NBPF26: variants seen among roughly 807,000 people sequenced by gnomAD.
NBPF26 encodes the protein NBPF member 26.
A neutral mutation model predicts 119.6 loss-of-function variants in NBPF26; 79 were observed. That is an observed-to-expected ratio of 0.66 (90% CI 0.55 to 0.80). The LOEUF is 0.80. NBPF26 is among the 30% of genes least tolerant of loss of function. The probability of loss-of-function intolerance (pLI) is 0.00; values close to 1 mark genes in which losing one functional copy is unlikely to be tolerated. For synonymous variants in NBPF26, 299 were observed against 457.7 expected (o/e 0.65, Z 4.43); for missense variants, 800 against 1,198.2 (o/e 0.67, Z 4.91).
At chr1:120,814,692 G>C (rs1651966056) in intron 11 of NBPF26, 137 bp from the exon 12 acceptor site, 1 of 638,520 alleles carries the variant, frequency 1.6e-6, no homozygotes, top group East Asian at 2.6e-5. Flanking sequence ...CTTGGCCACA[G>C]ACATTCCTTT....
chr1:120,820,471 T>C (rs1261004501), intron 15 of NBPF26, among the ~76,000 whole-genome samples: 36 of 30,814 alleles, frequency 1.2e-3, no homozygotes, highest in Admixed American at 1.5e-3. Flanking sequence ...TATATATATA[T>C]ATATATATAT....
Position 120,819,026 on chromosome 1 carries a change from G to T in NBPF26, c.2423+852G>T, listed in dbSNP as rs1335481377. Among the ~76,000 whole-genome samples the T allele has an allele frequency of 4.3e-5, 5 of 117,636 alleles. 2 individuals carry two copies. Among genetic ancestry groups the T allele is most frequent in the Admixed American group, 1.7e-4 (2 of 12,046 alleles). 77.2% of individuals were successfully genotyped at this position (117,636 alleles called of 152,430 possible). ...GGTGGAGAGCTGAGTTCAAGTCCTG[G>T]ATATCCTTGTTAAGCTTCTGTCTCA... On this transcript the variant is annotated intron_variant, in intron 15 of 29. Transcript: ENST00000620612.
intron 16 of NBPF26, among the ~76,000 whole-genome samples, chr1:120,822,959 G>A (rs1557991781): frequency 7.9e-6 from 1 of 125,972 alleles, no homozygotes; most frequent in Non-Finnish European, 1.6e-5. Context: ...CAAATTCTGG[G>A]TATTTAATGA....
chr1:120,841,878 A>C (rs1312827781), downstream of NBPF26, among the ~76,000 whole-genome samples: 1 of 20,938 alleles, frequency 4.8e-5, no homozygotes, highest in Non-Finnish European at 7.7e-5. Flanking sequence ...GAGTATAAAT[A>C]TCCTGTATTC....
rs1229627763 is a variant in NBPF26, at chr1:120,802,403, T to A, written c.752-3153T>A. 4.8e-5 allele frequency among the ~76,000 whole-genome samples: 6 copies of A among 126,158 alleles called. 1 individual carries two copies. The highest frequency in any genetic ancestry group is 2.2e-4 in the African/African-American group (6 of 26,860). 82.8% of individuals were successfully genotyped at this position (126,158 alleles called of 152,430 possible). A position where few individuals can be genotyped will look rare whatever the true frequency, so the allele number is the denominator to read the frequency against. On this transcript the variant is annotated intron_variant, in intron 4 of 29. Coordinates refer to ENST00000620612, the Ensembl canonical transcript of NBPF26. ...GGACAAGAAGATTTTCAAGGCAGTCTCTAAAGCAGAGGAGAAACTGTTGAG... is the reference window on the plus strand; with the variant it reads ...GGACAAGAAGATTTTCAAGGCAGTCACTAAAGCAGAGGAGAAACTGTTGAG...
At chr1:120,830,197 CCTCT>C (rs1327491560) in intron 19 of NBPF26, among the ~76,000 whole-genome samples, 16 of 117,446 alleles carry the variant, frequency 1.4e-4, no homozygotes, top group African/African-American at 7.1e-4. Flanking sequence ...CTCACTTTCT[CCTCT>C]CTCTCTCTCT....
chr1:120,745,146 A>T (rs1650966861), intron 1 of NBPF26, among the ~76,000 whole-genome samples: 2 of 101,526 alleles, frequency 2.0e-5, no homozygotes. Flanking sequence ...AAAAAAAAAC[A>T]AAAAAAAGTG....
rs1487668418 is a variant in NBPF26, at chr1:120,728,621, C to A, written c.73+4371C>A. 1.7e-5 allele frequency among the ~76,000 whole-genome samples: 2 copies of A among 117,096 alleles called. 1 individual carries two copies. Among genetic ancestry groups the A allele is most frequent in the Non-Finnish European group, 3.3e-5 (2 of 61,102 alleles). 76.8% of individuals were successfully genotyped at this position (117,096 alleles called of 152,430 possible). ...AGGCCAGCAATTTCTGTTATTTTGT[C>A]CAGAATAGCCACACCTTACTGTAAT... On this transcript the variant is annotated intron_variant, in intron 1 of 29. Coordinates refer to ENST00000620612, the Ensembl canonical transcript of NBPF26.
Position 120,779,475 on chromosome 1 carries a change from A to T in NBPF26, c.156-5499A>T, listed in dbSNP as rs1471559270. 2.6e-5 allele frequency among the ~76,000 whole-genome samples: 3 copies of T among 117,582 alleles called. 1 individual carries two copies. Among genetic ancestry groups the T allele is most frequent in the African/African-American group, 1.2e-4 (3 of 24,476 alleles). 77.1% of individuals were successfully genotyped at this position (117,582 alleles called of 152,430 possible). A position where few individuals can be genotyped will look rare whatever the true frequency, so the allele number is the denominator to read the frequency against. ...GTTCTTTCAGAGTTCAATGCTAGAGAAGAGAGAGTAAGTAAAAGTCACTGA... is the reference window on the plus strand; with the variant it reads ...GTTCTTTCAGAGTTCAATGCTAGAGTAGAGAGAGTAAGTAAAAGTCACTGA... On this transcript the variant is annotated intron_variant, in intron 2 of 29. Coordinates refer to ENST00000620612, the Ensembl canonical transcript of NBPF26.
At chr1:120,768,625 C>T (rs1181342507) in intron 2 of NBPF26, among the ~76,000 whole-genome samples, 1 of 109,446 alleles carries the variant, frequency 9.1e-6, no homozygotes, top group South Asian at 2.7e-4. Context: ...AAAAACAAAA[C>T]TGTAAATGTG....
At position 120,763,757 on chromosome 1, in the gene NBPF26, C is replaced by T. The variant is rs1651158489; in HGVS notation, c.155+48C>T. The T allele has an allele frequency of 3.6e-5, 26 of 719,914 alleles. 5 individuals carry two copies. Among genetic ancestry groups the T allele is most frequent in the South Asian group, 1.5e-5 (1 of 67,766 alleles). 44.6% of individuals were successfully genotyped at this position (719,914 alleles called of 1,614,324 possible). A position where few individuals can be genotyped will look rare whatever the true frequency, so the allele number is the denominator to read the frequency against. ...TTTCTTTTTGCGATAGAACACTGGA[C>T]AAGATTTGATTCTACTCCTCTATTT... On this transcript the variant is annotated intron_variant, in intron 2 of 29. Transcript: ENST00000620612.
chr1:120,737,804 GT>G (rs1650921997), intron 1 of NBPF26, among the ~76,000 whole-genome samples: 1 of 119,790 alleles, frequency 8.3e-6, no homozygotes, highest in South Asian at 2.5e-4. Flanking sequence ...TTTAACATTT[GT>G]TTCCCTTGAC....
intron 3 of NBPF26, among the ~76,000 whole-genome samples, chr1:120,790,144 T>A (rs1651468070): frequency 3.1e-5 from 3 of 97,872 alleles, no homozygotes; most frequent in Non-Finnish European, 5.6e-5. Context: ...GCCTCCTGAG[T>A]AGCTGGGACT....
rs1651523654 is a variant in NBPF26 at position 120,793,816 on chromosome 1, G to A, written c.751+320G>A. ...GCAAGTCTGGAATGGAAAAGAACACGATGAGAATTAGACACTGGAAAATAT... is the reference window on the plus strand; with the variant it reads ...GCAAGTCTGGAATGGAAAAGAACACAATGAGAATTAGACACTGGAAAATAT... On this transcript the variant is annotated intron_variant, in intron 4 of 29. Transcript: ENST00000620612. 4.2e-6 allele frequency: 4 copies of A among 946,524 alleles called. 1 individual carries two copies. The highest frequency in any genetic ancestry group is 2.1e-4 in the Middle Eastern group (1 of 4,766). 58.6% of individuals were successfully genotyped at this position (946,524 alleles called of 1,614,324 possible). A position where few individuals can be genotyped will look rare whatever the true frequency, so the allele number is the denominator to read the frequency against.
chr1:120,813,027 G>A (rs1289823291), intron 10 of NBPF26, among the ~76,000 whole-genome samples: 1 of 119,240 alleles, frequency 8.4e-6, no homozygotes, highest in Non-Finnish European at 1.6e-5. Context: ...GGGGCACAGA[G>A]TCTTGTTGCT....
chr1:120,793,265 T>G lies in NBPF26; in HGVS notation c.520T>G (p.Phe174Val), dbSNP rs1432156790. ...GTTCTCCTGCAAATGCCTCACAGGC[T>G]TCACAGGGCAGAAGTGTGAGACTGA... Residue 174 changes from phenylalanine to valine, a missense_variant, in exon 4 of 30, where the codon TTC (phenylalanine) becomes GTC (valine). This residue lies in a region of NBPF26 where 209 missense variants were observed against 285.2 expected (regional missense o/e 0.73). Transcript: ENST00000620612. 1,583 of 1,402,424 alleles carry G rather than the reference T, an allele frequency of 1.1e-3. 343 individuals carry two copies. The highest frequency in any genetic ancestry group is 5.6e-3 in the Middle Eastern group (31 of 5,560). The allele number at this position is 1,402,424 out of a possible 1,614,324, so 86.9% of individuals were successfully genotyped here.
intron 8 of NBPF26, 100 bp downstream of exon 8, chr1:120,809,983 T>A (rs1651818170): frequency 1.4e-6 from 2 of 1,445,794 alleles, no homozygotes; most frequent in Non-Finnish European, 1.9e-6. Flanking sequence ...AAAGCCCACA[T>A]CCCCTTGGCC....
chr1:120,781,761 T>A lies in NBPF26; in HGVS notation c.156-3213T>A, dbSNP rs1489879447. Among the ~76,000 whole-genome samples the A allele has an allele frequency of 1.7e-5, 2 of 115,116 alleles. 1 individual carries two copies. The highest frequency in any genetic ancestry group is 3.4e-5 in the Non-Finnish European group (2 of 59,318). 75.5% of individuals were successfully genotyped at this position (115,116 alleles called of 152,430 possible). On this transcript the variant is annotated intron_variant, in intron 2 of 29. Transcript: ENST00000620612. ...TATATTTTTAGTAGAGACAGGACTG[T>A]GTTAGCCAGGATGGTCTCGATCTCC... is the stretch of plus-strand genomic sequence containing the variant.
chr1:120,806,217 A>T (rs1341500978), intron 5 of NBPF26, among the ~76,000 whole-genome samples: 1 of 123,846 alleles, frequency 8.1e-6, no homozygotes, highest in African/African-American at 3.9e-5. Context: ...ACTTGGTGAT[A>T]GTACCCAGTA....
Sources: gnomAD v4.1 joint callset for allele counts (sites outside exome capture counted in the v4.1 genomes callset) on GRCh38, gnomAD v4.1.1 for gene constraint, gnomAD v4.1.1 regional missense constraint, MANE v1.5 for transcripts, NCBI Gene and HGNC (gene_info 2026-07-23, HGNC 2026-07-21) for gene names.